The following ETV4 variants were observed in gnomAD, a reference collection of about 807,000 sequenced individuals.
ETV4 encodes ETS variant transcription factor 4.
Under a neutral mutation model 65.9 loss-of-function variants are expected in ETV4, and 42 were observed. The ratio of observed to expected loss-of-function variants is 0.64; its 90% CI spans 0.50 to 0.82. The LOEUF is 0.82. Ranked by LOEUF, ETV4 falls within the 40% of genes least tolerant of loss-of-function variation. ETV4 has a pLI of 0.00. For missense variants in ETV4, 583 were observed against 630.3 expected, an observed-to-expected ratio of 0.92 and a Z score of 0.80; for synonymous variants, 238 against 260.0, an observed-to-expected ratio of 0.92 and a Z score of 0.81.
Position 43,530,831 on chromosome 17 carries a change from C to G in ETV4, c.812-650G>C, listed in dbSNP as rs572359406. Among the ~76,000 whole-genome samples the G allele has an allele frequency of 1.1e-4, 17 of 152,256 alleles. No individual in the cohort carries two copies. In the South Asian group the frequency reaches 1.2e-3, roughly 11 times the overall value. On this transcript the variant is annotated intron_variant, in intron 8 of 12. Transcript: ENST00000319349. ...GTTCCAACCCCTTCCCGCCCTCCCC[C>G]CACTGCACTCCCACCTATGAATGAG...
chr17:43,542,583 C>T (rs369374811), intron 4 of ETV4, among the ~76,000 whole-genome samples: 13 of 152,262 alleles, frequency 8.5e-5, no homozygotes, highest in East Asian at 3.9e-4. Flanking sequence ...AAATCAGACA[C>T]GCCCTCCTAG....
intron 4 of ETV4, among the ~76,000 whole-genome samples, chr17:43,537,471 A>T (rs887852890): frequency 2.0e-5 from 3 of 151,732 alleles, no homozygotes; most frequent in Non-Finnish European, 4.4e-5. Flanking sequence ...AGGTGGGAGG[A>T]TCACTTGAGA....
At chr17:43,530,511 C>T in intron 8 of ETV4, 2 of 1,107,774 alleles carry the variant, frequency 1.8e-6, no homozygotes, top group South Asian at 1.9e-5. Flanking sequence ...GTGAGATGAA[C>T]GTCCGGGGAA....
rs1971240906 is a variant in ETV4 at position 43,536,310 on chromosome 17, C to A, written c.256+116G>T. ...CAGTTATTGCCTTGGTCTTTAAGAT[C>A]AAACCCCACTGTGTTTTAGGAGAGA... On this transcript the variant is annotated intron_variant, in intron 5 of 12. Transcript: ENST00000319349. The A allele has an allele frequency of 3.3e-6, 3 of 916,914 alleles. No homozygotes were observed. The Admixed American group carries it at 6.3e-5, about 19-fold the overall frequency. The allele number at this position is 916,914 out of a possible 1,614,324, so 56.8% of individuals were successfully genotyped here.
At chr17:43,538,898 G>A (rs1014632858) in intron 4 of ETV4, among the ~76,000 whole-genome samples, 2 of 152,130 alleles carry the variant, frequency 1.3e-5, no homozygotes, top group Non-Finnish European at 2.9e-5. Context: ...AGGTCAAAAT[G>A]GCTGGTGAGG....
chr17:43,546,299 G>A lies in ETV4; in HGVS notation c.-166C>T, dbSNP rs2154587357. 6.6e-6 allele frequency: 1 copy of A among 152,472 alleles called. No individual in the cohort carries two copies. Among genetic ancestry groups the A allele is most frequent in the Non-Finnish European group, 1.5e-5 (1 of 68,194 alleles). 9.4% of individuals were successfully genotyped at this position (152,472 alleles called of 1,614,324 possible). A position where few individuals can be genotyped will look rare whatever the true frequency, so the allele number is the denominator to read the frequency against. On this transcript the variant is annotated 5_prime_UTR_variant, in exon 1 of 13. Transcript: ENST00000319349. The stretch of plus-strand genomic sequence containing the variant: ...AGGCGGCCCCGGCCCCGGGTCCCCA[G>A]CGCACCGACTTGTTTTTCGGGCGCA...
chr17:43,536,331 A>G lies in ETV4; in HGVS notation c.256+95T>C, dbSNP rs1971241631. 4 of 1,119,276 alleles carry G rather than the reference A, an allele frequency of 3.6e-6. No homozygotes were observed. In the South Asian group the frequency reaches 3.9e-5, roughly 11 times the overall value. The allele number at this position is 1,119,276 out of a possible 1,614,324, so 69.3% of individuals were successfully genotyped here. A position where few individuals can be genotyped will look rare whatever the true frequency, so the allele number is the denominator to read the frequency against. On this transcript the variant is annotated intron_variant, in intron 5 of 12. Coordinates refer to ENST00000319349, the MANE Select transcript of ETV4 (RefSeq NM_001079675.5). ...AGATCAAACCCCACTGTGTTTTAGG[A>G]GAGAACAAGCTGCTCTCTTGTGATT...
chr17:43,537,913 G>C (rs1340295441), intron 4 of ETV4, among the ~76,000 whole-genome samples: 1 of 152,214 alleles, frequency 6.6e-6, no homozygotes, highest in Admixed American at 6.5e-5. Context: ...CAGATCACCA[G>C]GTCAGGAGAT....
chr17:43,532,501 A>G (rs1245681039), intron 8 of ETV4, among the ~76,000 whole-genome samples, 173 bp downstream of exon 8: 1 of 152,178 alleles, frequency 6.6e-6, no homozygotes, highest in Non-Finnish European at 1.5e-5. Flanking sequence ...CATTTCAAAA[A>G]AAAAAAGAAA....
At chr17:43,542,374 C>T (rs868774678) in intron 4 of ETV4, among the ~76,000 whole-genome samples, 2 of 152,120 alleles carry the variant, frequency 1.3e-5, no homozygotes, top group African/African-American at 4.8e-5. Context: ...GTCAATGGCC[C>T]TTACTACCAA....
At chr17:43,531,441 C>CT (rs1970932077) in intron 8 of ETV4, among the ~76,000 whole-genome samples, 2 of 152,170 alleles carry the variant, frequency 1.3e-5, no homozygotes, top group South Asian at 4.1e-4. Flanking sequence ...GCCCTTGCCT[C>CT]TGGCCAGGGC....
chr17:43,530,964 G>A (rs1046427976), intron 8 of ETV4, among the ~76,000 whole-genome samples: 1 of 152,132 alleles, frequency 6.6e-6, no homozygotes, highest in Non-Finnish European at 1.5e-5. Flanking sequence ...GCTGGGGGGA[G>A]GGGCAGGAGT....
In ETV4 at chr17:43,532,739, C is replaced by T; in HGVS notation, c.746G>A (p.Gly249Glu). Residue 249 changes from glycine (G) to glutamate (E), a missense_variant, in exon 8 of 13, where the codon GGG (glycine) becomes GAG (glutamate). Transcript: ENST00000319349. The part of the protein sequence containing the change: ...QPAVDQGGVN[G>E]HRYPGAGVVI... ...CACCCCCGCCCCTGGGTACCTGTGC[C>T]CATTGACCCCACCCTGGTCCACGGC... The T allele has an allele frequency of 1.2e-6, 2 of 1,614,076 alleles. No individual in the cohort carries two copies. The highest frequency in any genetic ancestry group is 1.3e-5 in the African/African-American group (1 of 75,002).
At chr17:43,533,152 G>A (rs767010812) in intron 7 of ETV4, 35 bp downstream of exon 7, 51 of 1,607,458 alleles carry the variant, frequency 3.2e-5, no homozygotes, top group South Asian at 2.2e-4. Context: ...AAAAACACCT[G>A]GGCCCATGAG....
chr17:43,542,789 A>C (rs567003288), intron 4 of ETV4, among the ~76,000 whole-genome samples: 2 of 151,944 alleles, frequency 1.3e-5, no homozygotes, highest in Admixed American at 6.6e-5. Flanking sequence ...ACCCACCCAC[A>C]CTACCAGGAC....
At position 43,533,943 on chromosome 17, in the gene ETV4, TG is replaced by T; in HGVS notation, c.298del (p.Gln100ArgfsTer64). The T allele has an allele frequency of 6.5e-7, 1 of 1,549,678 alleles. No homozygotes were observed. ...CAGGGCCGGGTCTGTGCGGGGACTC[TG>T]GGGCTCCTTCTTGATCCTGGTGGTG... ...SPTTRIKKEP[Q>X]SPRTDPALSC... On this transcript the variant is annotated frameshift_variant, in exon 6 of 13. Transcript: ENST00000319349. LOFTEE classifies it high-confidence loss of function.
chr17:43,531,884 C>T (rs951799375), intron 8 of ETV4, among the ~76,000 whole-genome samples: 1 of 152,216 alleles, frequency 6.6e-6, no homozygotes, highest in Admixed American at 6.5e-5. Flanking sequence ...CAACTCTGCA[C>T]ACTCGTGTTC....
intron 4 of ETV4, among the ~76,000 whole-genome samples, chr17:43,540,491 C>T (rs575510464): frequency 6.6e-6 from 1 of 152,222 alleles, no homozygotes; most frequent in Non-Finnish European, 1.5e-5. Flanking sequence ...ACACGATTCC[C>T]AGTCCCCTCC....
At chr17:43,533,422 A>C in intron 6 of ETV4, 74 bp from the exon 7 acceptor site, 3 of 1,425,980 alleles carry the variant, frequency 2.1e-6, no homozygotes, top group Non-Finnish European at 2.9e-6. Flanking sequence ...CATTCCTAGG[A>C]AAGCGAGGTC....
Sources: allele counts gnomAD v4.1 joint callset (sites outside exome capture counted in the v4.1 genomes callset), GRCh38; gene constraint gnomAD v4.1.1; transcripts MANE v1.5; gene names NCBI Gene and HGNC (gene_info 2026-07-23, HGNC 2026-07-21).